The following PRSS23 variants were observed in gnomAD, a reference collection of about 807,000 sequenced individuals.
PRSS23 encodes serine protease 23.
In PRSS23, 25 loss-of-function variants were observed where a neutral mutation model predicts 34.7. The ratio of observed to expected loss-of-function variants is 0.72; its 90% CI spans 0.53 to 1.01. The LOEUF (loss-of-function observed/expected upper bound fraction) is 1.01. PRSS23 is among the 50% of genes least tolerant of loss of function. The pLI is 0.00. For missense variants in PRSS23, 445 were observed against 475.6 expected (o/e 0.94, Z 0.60); for synonymous variants, 176 against 186.6 (o/e 0.94, Z 0.46).
chr11:86,830,853 C>T (rs1948349324), intron 2 of PRSS23, among the ~76,000 whole-genome samples: 1 of 151,872 alleles, frequency 6.6e-6, no homozygotes, highest in Non-Finnish European at 1.5e-5. Flanking sequence ...GGGAGATGTT[C>T]CTCCTAATGT....
intron 2 of PRSS23, among the ~76,000 whole-genome samples, chr11:86,831,453 A>T (rs76719152): frequency 0.09 from 13,703 of 151,720 alleles, 836 homozygotes; most frequent in Non-Finnish European, 0.13. Flanking sequence ...CCCCTGTGAA[A>T]TTTTTTGTAA....
chr11:86,934,433 C>G lies in PRSS23; in HGVS notation c.207-16783C>G, dbSNP rs549477279. 3 of 152,240 alleles carry G rather than the reference C, an allele frequency of 2.0e-5. No homozygotes were observed. In the East Asian group the frequency reaches 5.8e-4, roughly 29 times the overall value. The allele number at this position is 152,240 out of a possible 1,614,324, so 9.4% of individuals were successfully genotyped here. A position where few individuals can be genotyped will look rare whatever the true frequency, so the allele number is the denominator to read the frequency against. ...CTCTGCTCCCTCATCATACCTCCCT[C>G]CCTTTCTCTGTTGAACTCCTCCCCT... On this transcript the variant is annotated intron_variant, in intron 2 of 2. Transcript: ENST00000533902.
At position 86,950,604 on chromosome 11, in the gene PRSS23, C is replaced by T. The variant is rs548440337; in HGVS notation, c.207-612C>T. 2.3e-5 allele frequency: 4 copies of T among 176,426 alleles called. No individual in the cohort carries two copies. Among genetic ancestry groups the T allele is most frequent in the Admixed American group, 2.1e-4 (4 of 18,618 alleles). The allele number at this position is 176,426 out of a possible 1,614,324, so 10.9% of individuals were successfully genotyped here. ...GTGCAGTCCACAAAGTTCTAAACAGCAGACAGCGCACCACAGAAGATGTTT... is the reference window on the plus strand; with the variant it reads ...GTGCAGTCCACAAAGTTCTAAACAGTAGACAGCGCACCACAGAAGATGTTT... On this transcript the variant is annotated intron_variant, in intron 2 of 2. Transcript: ENST00000533902.
upstream of PRSS23, chr11:86,800,495 GC>G: frequency 3.0e-6 from 3 of 984,276 alleles, no homozygotes; most frequent in Non-Finnish European, 3.6e-6. Flanking sequence ...CTCGGGTGGC[GC>G]GGGGGGCGGA....
intron 2 of PRSS23, among the ~76,000 whole-genome samples, chr11:86,888,063 A>C (rs958284495): frequency 8.6e-5 from 13 of 151,480 alleles, no homozygotes; most frequent in South Asian, 2.1e-4. Context: ...AAAAAAAAAA[A>C]CAAAAACAAA....
chr11:86,919,439 G>A (rs778729398), intron 2 of PRSS23, among the ~76,000 whole-genome samples: 7 of 152,156 alleles, frequency 4.6e-5, no homozygotes, highest in Admixed American at 6.5e-5. Context: ...TGAATGCTGC[G>A]CTTTTTTCAT....
intron 2 of PRSS23, among the ~76,000 whole-genome samples, chr11:86,928,674 CAAAAAAAAAAA>C (rs1212658424): frequency 0.2 from 2,674 of 13,576 alleles, 108 homozygotes; most frequent in Middle Eastern, 0.46. Context: ...GACTCTGTCT[CAAAAAAAAAAA>C]AAAAAAAAAA....
At chr11:86,945,468 A>G (rs575136299) in intron 2 of PRSS23, among the ~76,000 whole-genome samples, 51 of 152,296 alleles carry the variant, frequency 3.3e-4, no homozygotes, top group Non-Finnish European at 5.9e-5. Flanking sequence ...CCATATTAGC[A>G]ATCAATTCTG....
At chr11:86,896,325 C>T (rs1296004104) in intron 2 of PRSS23, 1 of 150,112 alleles carries the variant, frequency 6.7e-6, no homozygotes, top group African/African-American at 2.4e-5. Context: ...ACTTATTCAA[C>T]TTTCCAATTC....
intron 1 of PRSS23, among the ~76,000 whole-genome samples, chr11:86,792,517 G>A (rs1947957842): frequency 2.0e-5 from 3 of 152,130 alleles, no homozygotes; most frequent in African/African-American, 7.2e-5. Flanking sequence ...ATGTGCTATT[G>A]CCAAGACCCT....
At position 86,951,200 on chromosome 11, in the gene PRSS23, CTCTT is replaced by C. The variant is rs1362905683; in HGVS notation, c.207-14_207-11del. 3 of 1,614,114 alleles carry C rather than the reference CTCTT, an allele frequency of 1.9e-6. No homozygotes were observed. The highest frequency in any genetic ancestry group is 2.5e-6 in the Non-Finnish European group (3 of 1,179,952). On this transcript the variant is annotated splice_polypyrimidine_tract_variant and intron_variant, in intron 2 of 2. Transcript: ENST00000533902. ...CACCCAACCATTTCCTCTCTTCTCT[CTCTT>C]TACCTTTCCAGAATTCACCAATCTG...
chr11:86,902,439 G>A lies in PRSS23; in HGVS notation c.207-48777G>A, dbSNP rs897230639. Among the ~76,000 whole-genome samples the A allele has an allele frequency of 7.2e-5, 11 of 152,042 alleles. No homozygotes were observed. The South Asian group carries it at 1.7e-3, about 23-fold the overall frequency. On this transcript the variant is annotated intron_variant, in intron 2 of 2. Transcript: ENST00000533902. Reference sequence around the variant, plus strand: ...CTTATCTTTGGATGACCTAGATAAGGGTCCTCACCCAAGCTTCGGCCACTT... The same window carrying A: ...CTTATCTTTGGATGACCTAGATAAGAGTCCTCACCCAAGCTTCGGCCACTT...
chr11:86,881,171 CTG>C (rs970382542), intron 2 of PRSS23, among the ~76,000 whole-genome samples: 49 of 151,156 alleles, frequency 3.2e-4, no homozygotes, highest in African/African-American at 1.1e-3. Flanking sequence ...AGGATATTAA[CTG>C]TGAGTTTTTG....
At chr11:86,850,915 C>T (rs1948524066) in intron 2 of PRSS23, among the ~76,000 whole-genome samples, 1 of 152,202 alleles carries the variant, frequency 6.6e-6, no homozygotes, top group African/African-American at 2.4e-5. Context: ...ACACCTATTC[C>T]TTGCCTTAAA....
chr11:86,802,857 T>C (rs1332340739), intron 1 of PRSS23, among the ~76,000 whole-genome samples: 1 of 152,314 alleles, frequency 6.6e-6, no homozygotes, highest in East Asian at 1.9e-4. Flanking sequence ...TTTGCATATC[T>C]GTTAATTATG....
chr11:86,829,552 A>G (rs564774509), intron 2 of PRSS23, among the ~76,000 whole-genome samples: 1 of 152,240 alleles, frequency 6.6e-6, no homozygotes, highest in African/African-American at 2.4e-5. Flanking sequence ...CCTTTGGAGG[A>G]GGAGAGGTGC....
rs11234820 is a variant in PRSS23 at position 86,819,285 on chromosome 11, C to T, written c.-11-4092C>T. Among the ~76,000 whole-genome samples, 1,227 of 152,250 alleles carry T rather than the reference C, an allele frequency of 8.1e-3. 28 individuals are homozygous for T. Among genetic ancestry groups the T allele is most frequent in the African/African-American group, 0.028 (1,160 of 41,548 alleles). On this transcript the variant is annotated intron_variant, in intron 1 of 2. Transcript: ENST00000533902. ...CACTCTGCAGAACTCTGGGTCCAGG[C>T]CATCTGCACCAATTAGACCAGAACC...
chr11:86,815,846 C>T (rs1236144949), downstream of PRSS23, among the ~76,000 whole-genome samples: 2 of 152,170 alleles, frequency 1.3e-5, no homozygotes, highest in Non-Finnish European at 2.9e-5. Flanking sequence ...TCCAGCTCCC[C>T]TGCCACTGCC....
chr11:86,795,486 C>A (rs2186616), intron 1 of PRSS23, among the ~76,000 whole-genome samples: 1 of 152,224 alleles, frequency 6.6e-6, no homozygotes. Context: ...ACTCCGGGAT[C>A]CCATGGTAGG....
Sources: allele counts gnomAD v4.1 joint callset (sites outside exome capture counted in the v4.1 genomes callset), GRCh38; gene constraint gnomAD v4.1.1; transcripts MANE v1.5; gene names NCBI Gene and HGNC (gene_info 2026-07-23, HGNC 2026-07-21).